WAPL: variants seen among roughly 807,000 people sequenced by gnomAD.
The protein encoded by WAPL is WAPL cohesin release factor.
A neutral mutation model predicts 121.0 loss-of-function variants in WAPL; 5 were observed. The observed-to-expected ratio is 0.04, with a 90% CI of 0.02 to 0.09. The LOEUF (loss-of-function observed/expected upper bound fraction) is 0.09. Ranked by LOEUF, WAPL falls within the 10% of genes least tolerant of loss-of-function variation. The pLI, the probability that WAPL is intolerant of heterozygous loss-of-function variation, is 1.00. For missense variants in WAPL, 999 were observed against 1,410.8 expected (o/e 0.71, Z 4.68); for synonymous variants, 480 against 481.5 (o/e 1.00, Z 0.04).
At chr10:86,452,323 C>T (rs1841002947) in intron 14 of WAPL, among the ~76,000 whole-genome samples, 192 bp from the exon 15 acceptor site, 1 of 151,786 alleles carries the variant, frequency 6.6e-6, no homozygotes, top group African/African-American at 2.4e-5. Context: ...CCAGGCACAG[C>T]GCTCATGCCT....
chr10:86,512,827 G>T (rs1842491204), intron 2 of WAPL, among the ~76,000 whole-genome samples: 1 of 151,684 alleles, frequency 6.6e-6, no homozygotes. Context: ...ACAACTATTG[G>T]AGGTGGACAA....
chr10:86,449,741 C>T (rs969337687), intron 15 of WAPL, among the ~76,000 whole-genome samples: 1 of 151,922 alleles, frequency 6.6e-6, no homozygotes, highest in African/African-American at 2.4e-5. Context: ...TTTCTAGGTT[C>T]CATTTGAAGA....
chr10:86,444,586 T>C lies in WAPL; in HGVS notation c.3323-1223A>G, dbSNP rs919113778. Among the ~76,000 whole-genome samples the C allele has an allele frequency of 2.6e-5, 4 of 152,190 alleles. No homozygotes were observed. The South Asian group carries it at 8.3e-4, about 32-fold the overall frequency. Reference sequence around the variant, plus strand: ...CAGTCATAAAAGGCAACATATTGTATGACTCCTTTTTAAATGGAATGTCCA... The same window carrying C: ...CAGTCATAAAAGGCAACATATTGTACGACTCCTTTTTAAATGGAATGTCCA... On this transcript the variant is annotated intron_variant, in intron 16 of 18. Transcript: ENST00000298767.
chr10:86,452,433 A>C (rs1473876622), intron 14 of WAPL, among the ~76,000 whole-genome samples: 1 of 152,082 alleles, frequency 6.6e-6, no homozygotes, highest in Non-Finnish European at 1.5e-5. Context: ...CTCTACTAAA[A>C]ATACAAAAAT....
chr10:86,513,825 A>G (rs1842510269), intron 2 of WAPL, among the ~76,000 whole-genome samples: 1 of 152,200 alleles, frequency 6.6e-6, no homozygotes, highest in African/African-American at 2.4e-5. Context: ...CGAGAAGGAC[A>G]CTCAACACTC....
chr10:86,467,637 A>G, intron 8 of WAPL, 131 bp from the exon 9 acceptor site: 1 of 686,096 alleles, frequency 1.5e-6, no homozygotes, highest in Non-Finnish European at 2.2e-6. Context: ...ACCATGTTGG[A>G]AACTTCAAAA....
At position 86,517,861 on chromosome 10, in the gene WAPL, C is replaced by G; in HGVS notation, c.209G>C (p.Gly70Ala). 1 of 1,614,168 alleles carries G rather than the reference C, an allele frequency of 6.2e-7. No homozygotes were observed. The highest frequency in any genetic ancestry group is 8.5e-7 in the Non-Finnish European group (1 of 1,180,020). The change falls in exon 2 of 19, where the codon GGA (glycine) becomes GCA (alanine). Residue 70 changes from glycine (G) to alanine (A), a missense_variant. By Grantham distance (60) the Gly-to-Ala change is moderately conservative. Coordinates refer to ENST00000298767, the MANE Select transcript of WAPL (RefSeq NM_015045.5). ...ATCACTATCAAATCCAAAAGGATCT[C>G]CAGTACTTTCTTCTTCCACTTTAGG... ...KKPKVEEEST[G>A]DPFGFDSDDE...
chr10:86,464,049 A>G (rs1169245019), intron 9 of WAPL, among the ~76,000 whole-genome samples: 1 of 152,248 alleles, frequency 6.6e-6, no homozygotes, highest in Non-Finnish European at 1.5e-5. Context: ...GAAGCAAAGC[A>G]TGACTATATT....
chr10:86,438,794 C>T lies in WAPL; in HGVS notation c.3412-779G>A, dbSNP rs1401885056. Among the ~76,000 whole-genome samples, 11 of 152,284 alleles carry T rather than the reference C, an allele frequency of 7.2e-5. No homozygotes were observed. The South Asian group carries it at 1.9e-3, about 26-fold the overall frequency. ...CTAGAAGCATCTTTCCAAAGGCAAT[C>T]TAACCTCATCTATGATAGATTCTCA... On this transcript the variant is annotated intron_variant, in intron 17 of 18. Coordinates refer to ENST00000298767, the MANE Select transcript of WAPL (RefSeq NM_015045.5).
At chr10:86,507,220 T>C (rs964554158) in intron 2 of WAPL, among the ~76,000 whole-genome samples, 2 of 151,168 alleles carry the variant, frequency 1.3e-5, no homozygotes, top group Non-Finnish European at 3.0e-5. Context: ...ATACAAAAAT[T>C]AGCCAGGTGT....
chr10:86,520,075 C>T (rs1424505611), intron 1 of WAPL, among the ~76,000 whole-genome samples: 3 of 152,214 alleles, frequency 2.0e-5, no homozygotes, highest in Non-Finnish European at 2.9e-5. Context: ...ACGGGCAGAT[C>T]ACCTGAGGCC....
intron 4 of WAPL, among the ~76,000 whole-genome samples, chr10:86,478,747 A>G (rs1019872932): frequency 1.3e-5 from 2 of 152,182 alleles, no homozygotes; most frequent in Non-Finnish European, 2.9e-5. Flanking sequence ...GGTTTTTACA[A>G]TAACACCACA....
intron 12 of WAPL, among the ~76,000 whole-genome samples, 181 bp from the exon 13 acceptor site, chr10:86,454,012 C>T (rs1351796123): frequency 6.6e-6 from 1 of 152,180 alleles, no homozygotes; most frequent in Non-Finnish European, 1.5e-5. Flanking sequence ...AAGTTTATAT[C>T]TGTACTATCT....
chr10:86,488,098 C>T (rs1243590732), intron 4 of WAPL, among the ~76,000 whole-genome samples: 2 of 151,908 alleles, frequency 1.3e-5, no homozygotes, highest in Non-Finnish European at 2.9e-5. Flanking sequence ...CCAGATTTCT[C>T]TCGGCGAAGG....
chr10:86,453,206 T>A lies in WAPL; in HGVS notation c.2949+14A>T. 1 of 1,613,114 alleles carries A rather than the reference T, an allele frequency of 6.2e-7. No homozygotes were observed. Among genetic ancestry groups the A allele is most frequent in the Non-Finnish European group, 8.5e-7 (1 of 1,179,186 alleles). ...GATATGATACTCATTTCTGAAAAAG[T>A]CATTTCAACTTACCAGCACTCGAAT... is the stretch of plus-strand genomic sequence containing the variant. On this transcript the variant is annotated intron_variant, in intron 14 of 18. Transcript: ENST00000298767.
At chr10:86,475,057 TCA>T (rs1210437497) in intron 4 of WAPL, among the ~76,000 whole-genome samples, 2 of 152,200 alleles carry the variant, frequency 1.3e-5, no homozygotes, top group African/African-American at 4.8e-5. Flanking sequence ...GTAAAGTCCC[TCA>T]CACATCAATT....
At chr10:86,458,813 T>C (rs1564567335) in intron 12 of WAPL, among the ~76,000 whole-genome samples, 176 bp downstream of exon 12, 1 of 152,186 alleles carries the variant, frequency 6.6e-6, no homozygotes, top group African/African-American at 2.4e-5. Context: ...CACACTGTCA[T>C]TTTGTGTCCA....
intron 4 of WAPL, among the ~76,000 whole-genome samples, chr10:86,488,100 C>T (rs781736862): frequency 1.3e-5 from 2 of 151,788 alleles, no homozygotes; most frequent in Admixed American, 1.3e-4. Flanking sequence ...AGATTTCTCT[C>T]GGCGAAGGGA....
intron 2 of WAPL, among the ~76,000 whole-genome samples, chr10:86,507,727 T>G (rs1351861169): frequency 6.6e-6 from 1 of 152,154 alleles, no homozygotes; most frequent in Non-Finnish European, 1.5e-5. Context: ...CTGTTTTTTT[T>G]TTTTTAATCA....
Sources: allele counts gnomAD v4.1 joint callset (sites outside exome capture counted in the v4.1 genomes callset), GRCh38; gene constraint gnomAD v4.1.1; transcripts MANE v1.5; gene names NCBI Gene and HGNC (gene_info 2026-07-23, HGNC 2026-07-21).